KANSL3: variants seen among roughly 807,000 people sequenced by gnomAD.
The protein encoded by KANSL3 is NSL complex protein NSL3.
In KANSL3, 16 loss-of-function variants were observed where a neutral mutation model predicts 89.2. The ratio of observed to expected loss-of-function variants is 0.18; its 90% CI spans 0.12 to 0.27. KANSL3 has a LOEUF of 0.27. Ranked by LOEUF, KANSL3 falls within the 10% of genes least tolerant of loss-of-function variation. The pLI, the probability that KANSL3 is intolerant of heterozygous loss-of-function variation, is 1.00. For missense variants in KANSL3, 879 were observed against 1,110.6 expected (o/e 0.79, Z 2.96); for synonymous variants, 385 against 419.7 (o/e 0.92, Z 1.01).
chr2:96,628,326 T>C, intron 3 of KANSL3: 1 of 851,184 alleles, frequency 1.2e-6, no homozygotes, highest in Non-Finnish European at 1.4e-6. Context: ...CCAGTGTCTC[T>C]TATGCTTTGC....
At chr2:96,597,082 A>G (rs1472662914) in intron 20 of KANSL3, among the ~76,000 whole-genome samples, 1 of 152,240 alleles carries the variant, frequency 6.6e-6, no homozygotes, top group Admixed American at 6.5e-5. Context: ...GTTGGTGTTC[A>G]CTTTTCTTTT....
chr2:96,632,380 T>G (rs1249507002), intron 2 of KANSL3, among the ~76,000 whole-genome samples: 1 of 151,648 alleles, frequency 6.6e-6, no homozygotes, highest in Non-Finnish European at 1.5e-5. Flanking sequence ...ATGGCTTGCT[T>G]GAGCCCAGGA....
At chr2:96,638,201 C>T (rs1325843707) in intron 1 of KANSL3, 82 bp downstream of exon 1, 1 of 152,248 alleles carries the variant, frequency 6.6e-6, no homozygotes, top group Non-Finnish European at 1.5e-5. Context: ...CCCTGAAGCC[C>T]TCGCCGAGAC....
intron 5 of KANSL3, among the ~76,000 whole-genome samples, chr2:96,616,776 C>T (rs2070212798): frequency 6.6e-6 from 1 of 152,204 alleles, no homozygotes; most frequent in African/African-American, 2.4e-5. Flanking sequence ...TCAACCCACA[C>T]CGTGGCCCAG....
intron 13 of KANSL3, 97 bp downstream of exon 13, chr2:96,608,767 A>G: frequency 6.4e-7 from 1 of 1,552,568 alleles, no homozygotes; most frequent in East Asian, 2.3e-5. Context: ...TCACAGGCCC[A>G]TGGCACTAAT....
chr2:96,613,613 T>C lies in KANSL3; in HGVS notation c.670A>G (p.Thr224Ala). The C allele has an allele frequency of 1.2e-6, 2 of 1,611,976 alleles. No homozygotes were observed. Among genetic ancestry groups the C allele is most frequent in the Non-Finnish European group, 1.7e-6 (2 of 1,179,024 alleles). ...GACACAAGCATCCGGTCAATCAAGG[T>C]TGGGATCTACAAAGAAGAAAGAGCA... ...ALQTLKGKIP[T>A]LIDRMLVSSN... The change falls in exon 6 of 21, where the codon ACC (threonine) becomes GCC (alanine). Residue 224 changes from threonine to alanine, a missense_variant. By Grantham distance (58) the Thr-to-Ala change is moderately conservative (BLOSUM62 0). Coordinates refer to ENST00000431828, the MANE Select transcript of KANSL3 (RefSeq NM_001115016.3).
chr2:96,602,164 A>G lies in KANSL3; in HGVS notation c.2434T>C (p.Leu812=). ...GCCAGGCCAGGGAGGCTGCTTGCCA[A>G]CTTAGCGAGGCCCCCATTGGTCAGC... The part of the protein sequence containing the change: ...QLLTNGGLAK[L]ASSLPGLAQI... Residue 812 remains leucine, a synonymous_variant, in exon 19 of 21, where the codon TTG becomes CTG. Transcript: ENST00000431828. 4.4e-6 allele frequency: 7 copies of G among 1,599,726 alleles called. No individual in the cohort carries two copies. The highest frequency in any genetic ancestry group is 6.0e-6 in the Non-Finnish European group (7 of 1,173,358).
At chr2:96,581,545 G>A in the KANSL3 span, among the ~76,000 whole-genome samples, 229 of 151,662 alleles carry the variant, frequency 1.5e-3, no homozygotes, top group Non-Finnish European at 2.5e-3. Context: ...ATATTTCCAC[G>A]AGTGCTTCAA....
At chr2:96,617,982 CAA>C (rs540064575) in intron 5 of KANSL3, among the ~76,000 whole-genome samples, 49 of 71,728 alleles carry the variant, frequency 6.8e-4, no homozygotes, top group Admixed American at 6.3e-4. Flanking sequence ...GACTTTGTCT[CAA>C]AAAAAAAAAA....
intron 2 of KANSL3, among the ~76,000 whole-genome samples, chr2:96,633,194 G>A (rs1022189537): frequency 6.6e-6 from 1 of 151,602 alleles, no homozygotes; most frequent in Non-Finnish European, 1.5e-5. Flanking sequence ...GGAGGCGGAC[G>A]TTGCAGTGAG....
At position 96,609,511 on chromosome 2, in the gene KANSL3, GTCCA is replaced by G; in HGVS notation, c.1367_1370del (p.Val456AlafsTer12). 1 of 1,613,758 alleles carries G rather than the reference GTCCA, an allele frequency of 6.2e-7. No individual in the cohort carries two copies. The highest frequency in any genetic ancestry group is 8.5e-7 in the Non-Finnish European group (1 of 1,179,660). ...AACAACTGTTTACCTGAATACATCTGTCCACCATGCTCTGAGTCAACCCTTCTGA... is the reference window on the plus strand; with the variant it reads ...AACAACTGTTTACCTGAATACATCTGCCATGCTCTGAGTCAACCCTTCTGA... On this transcript the variant is annotated frameshift_variant, in exon 12 of 21. Coordinates refer to ENST00000431828, the MANE Select transcript of KANSL3 (RefSeq NM_001115016.3). LOFTEE classifies it high-confidence loss of function.
At chr2:96,583,518 C>G in the KANSL3 span, among the ~76,000 whole-genome samples, 1 of 152,154 alleles carries the variant, frequency 6.6e-6, no homozygotes, top group Non-Finnish European at 1.5e-5. Flanking sequence ...GGAATCATAC[C>G]GTGTAGTCTT....
At chr2:96,616,718 C>T (rs1383777515) in intron 5 of KANSL3, among the ~76,000 whole-genome samples, 1 of 152,208 alleles carries the variant, frequency 6.6e-6, no homozygotes, top group Non-Finnish European at 1.5e-5. Context: ...TGCCTTGAGT[C>T]TGAGGCCCTT....
Position 96,631,385 on chromosome 2 carries a change from G to A in KANSL3, c.313C>T (p.Arg105Trp), listed in dbSNP as rs2073361159. ...KARSVMNECE[R>W]HVIFARTDAD... ...TCAGTCCTGGCAAAGATGACATGCCGTTCACACTCATTCATCACGCTGCGT... is the reference window on the plus strand; with the variant it reads ...TCAGTCCTGGCAAAGATGACATGCCATTCACACTCATTCATCACGCTGCGT... The change falls in exon 3 of 21, where the codon CGG becomes TGG. Residue 105 changes from arginine to tryptophan, a missense_variant. This residue lies in a region of KANSL3 where 210 missense variants were observed against 311.9 expected (regional missense o/e 0.67). Transcript: ENST00000431828. The A allele has an allele frequency of 1.9e-6, 3 of 1,610,858 alleles. No homozygotes were observed. The highest frequency in any genetic ancestry group is 1.7e-6 in the Non-Finnish European group (2 of 1,178,526).
At chr2:96,597,689 G>A (rs1048712398) in intron 20 of KANSL3, among the ~76,000 whole-genome samples, 5 of 151,976 alleles carry the variant, frequency 3.3e-5, no homozygotes, top group African/African-American at 9.7e-5. Context: ...TGCAACCTCC[G>A]CCTCCCAGGT....
chr2:96,609,018 C>T lies in KANSL3; in HGVS notation c.1430G>A (p.Gly477Asp). 7.7e-6 allele frequency: 12 copies of T among 1,566,034 alleles called. No homozygotes were observed. Among genetic ancestry groups the T allele is most frequent in the Non-Finnish European group, 1.0e-5 (12 of 1,155,096 alleles). Residue 477 changes from glycine to aspartate, a missense_variant, in exon 13 of 21, where the codon GGT (glycine) becomes GAT (aspartate). Physicochemically the swap from Gly to Asp is moderately conservative, Grantham distance 94. Around this residue, in one of 6 missense-constraint regions of KANSL3, gnomAD observed 317 missense variants for 311.2 expected, o/e 1.02. Transcript: ENST00000431828. ...ATCCCGAGGTTCAGAGCCCATGTGA[C>T]CCTCAGCACGAGTGAGCACTCCAGT... ...FLTGVLTRAE[G>D]HMGSEPRDQD... is the part of the protein sequence containing the mutation.
At chr2:96,590,047 C>G (rs1402143104), downstream of KANSL3, among the ~76,000 whole-genome samples, 5 of 151,696 alleles carry the variant, frequency 3.3e-5, no homozygotes, top group Non-Finnish European at 5.9e-5. Flanking sequence ...GTAATCCCAG[C>G]TACTAGGGAG....
At chr2:96,597,318 ATTCT>A (rs1306418423) in intron 20 of KANSL3, among the ~76,000 whole-genome samples, 2 of 152,208 alleles carry the variant, frequency 1.3e-5, no homozygotes, top group Non-Finnish European at 2.9e-5. Flanking sequence ...GCCTGAGGAG[ATTCT>A]GATCCTGCCA....
chr2:96,631,885 A>C (rs1431420663), intron 2 of KANSL3, among the ~76,000 whole-genome samples: 1 of 152,168 alleles, frequency 6.6e-6, no homozygotes, highest in East Asian at 1.9e-4. Flanking sequence ...TGTCTCTACC[A>C]AAAATACAAA....
Sources: gnomAD v4.1 joint callset for allele counts (sites outside exome capture counted in the v4.1 genomes callset) on GRCh38, gnomAD v4.1.1 for gene constraint, gnomAD v4.1.1 regional missense constraint, MANE v1.5 for transcripts, NCBI Gene and HGNC (gene_info 2026-07-23, HGNC 2026-07-21) for gene names.